AGO2: variants seen among roughly 807,000 people sequenced by gnomAD.
AGO2 encodes argonaute RISC catalytic component 2.
Under a neutral mutation model 102.3 loss-of-function variants are expected in AGO2, and 5 were observed. The ratio of observed to expected loss-of-function variants is 0.05; its 90% CI spans 0.03 to 0.10. The LOEUF (loss-of-function observed/expected upper bound fraction) is 0.10, where lower values mean the gene tolerates loss of function less well. AGO2 is among the 10% of genes least tolerant of loss of function. The pLI is 1.00. For synonymous variants in AGO2, 449 were observed against 473.1 expected, an observed-to-expected ratio of 0.95 and a Z score of 0.66; for missense variants, 541 against 1,183.7, an observed-to-expected ratio of 0.46 and a Z score of 7.97.
At chr8:140,562,838 T>A (rs2073225169) in intron 3 of AGO2, among the ~76,000 whole-genome samples, 1 of 152,178 alleles carries the variant, frequency 6.6e-6, no homozygotes, top group Non-Finnish European at 1.5e-5. Flanking sequence ...TTACTTTTGA[T>A]GAATTTAAAT....
chr8:140,526,570 C>G lies in AGO2; in HGVS notation c.*5474G>C, dbSNP rs1227395305. The G allele has an allele frequency of 1.3e-5, 2 of 152,122 alleles. No individual in the cohort carries two copies. Among genetic ancestry groups the G allele is most frequent in the South Asian group, 2.1e-4 (1 of 4,824 alleles). 9.4% of individuals were successfully genotyped at this position (152,122 alleles called of 1,614,324 possible). A position where few individuals can be genotyped will look rare whatever the true frequency, so the allele number is the denominator to read the frequency against. On this transcript the variant is annotated 3_prime_UTR_variant, in exon 19 of 19. Transcript: ENST00000220592. This position sits in a 1 kb window ranked among gnomAD's most constrained non-coding sequence, Gnocchi z 5.2. ...ATGTTCACAATTCAGTTTATTCAGG[C>G]AACATATTGGCTGTTTTCAGTGTGG...
upstream of AGO2, among the ~76,000 whole-genome samples, chr8:140,638,464 C>A (rs953860900): frequency 1.1e-4 from 16 of 152,308 alleles, no homozygotes; most frequent in Admixed American, 1.0e-3. Flanking sequence ...CTGTCCCAAA[C>A]CCATTTAGCC....
the AGO2 span, among the ~76,000 whole-genome samples, chr8:140,641,295 A>AACACACACACACACAC: frequency 2.0e-5 from 3 of 146,872 alleles, no homozygotes; most frequent in African/African-American, 7.6e-5. Context: ...GCTGTCTCAA[A>AACACACACACACACAC]ACACACACAC....
At chr8:140,537,968 G>A (rs966899026) in intron 16 of AGO2, among the ~76,000 whole-genome samples, 2 of 152,030 alleles carry the variant, frequency 1.3e-5, no homozygotes, top group Non-Finnish European at 2.9e-5. Context: ...ACAGGCGCCC[G>A]CCACCACGCC....
At chr8:140,638,981 A>C (rs4498521), upstream of AGO2, among the ~76,000 whole-genome samples, 65,520 of 151,918 alleles carry the variant, frequency 0.43, 15,054 homozygotes, top group Middle Eastern at 0.53. Flanking sequence ...GGACTTAAAT[A>C]ATCCTCCTAC....
At position 140,589,782 on chromosome 8, in the gene AGO2, G is replaced by A. The variant is rs1422091410; in HGVS notation, c.23-4471C>T. Among the ~76,000 whole-genome samples, 6 of 152,140 alleles carry A rather than the reference G, an allele frequency of 3.9e-5. No individual in the cohort carries two copies. Among genetic ancestry groups the A allele is most frequent in the Admixed American group, 1.3e-4 (2 of 15,282 alleles). On this transcript the variant is annotated intron_variant, in intron 1 of 18. Coordinates refer to ENST00000220592, the MANE Select transcript of AGO2 (RefSeq NM_012154.5). The surrounding 1 kb of genome is among the most constrained non-coding windows in gnomAD (Gnocchi z 4.2). ...GCCAGGCAATGGCACAGCAGCCACC[G>A]AGATCCGTGCCATCAGCACGAGCCG...
intron 3 of AGO2, among the ~76,000 whole-genome samples, chr8:140,565,436 C>T (rs1370888213): frequency 6.4e-5 from 8 of 124,510 alleles, no homozygotes; most frequent in Admixed American, 2.9e-4. Flanking sequence ...AAGACTCTGT[C>T]TCAAAAAAAA....
intron 1 of AGO2, among the ~76,000 whole-genome samples, chr8:140,619,053 G>A (rs1280682977): frequency 1.3e-5 from 2 of 152,074 alleles, no homozygotes; most frequent in African/African-American, 2.4e-5. Flanking sequence ...CGGCTCCTCC[G>A]AGAGCAGCTG....
intron 10 of AGO2, among the ~76,000 whole-genome samples, chr8:140,552,746 A>G (rs879591548): frequency 0.25 from 5,423 of 21,510 alleles, 135 homozygotes; most frequent in African/African-American, 0.3. Flanking sequence ...GCGCGCACAC[A>G]CACACACACA....
At chr8:140,606,295 G>T (rs1338608886) in intron 1 of AGO2, among the ~76,000 whole-genome samples, 1 of 152,228 alleles carries the variant, frequency 6.6e-6, no homozygotes, top group Non-Finnish European at 1.5e-5. Flanking sequence ...CAGGAGCATG[G>T]AGGCCCCACC....
At chr8:140,631,532 G>A (rs1160157949) in intron 1 of AGO2, among the ~76,000 whole-genome samples, 3 of 147,300 alleles carry the variant, frequency 2.0e-5, no homozygotes, top group African/African-American at 7.5e-5. Flanking sequence ...GCGAGACTCC[G>A]TCTCAAAAAA....
At chr8:140,586,184 T>C (rs529763489) in intron 1 of AGO2, among the ~76,000 whole-genome samples, 2 of 152,296 alleles carry the variant, frequency 1.3e-5, no homozygotes, top group South Asian at 4.1e-4. Flanking sequence ...CACCATGCCC[T>C]GGGCCAAGGC....
intron 1 of AGO2, among the ~76,000 whole-genome samples, chr8:140,612,220 C>CAAAAAAAAAAA (rs542472147): frequency 1.0e-5 from 1 of 95,960 alleles, no homozygotes; most frequent in African/African-American, 4.3e-5. Context: ...GACTCTGTCT[C>CAAAAAAAAAAA]AAAAAAAAAA....
In AGO2 at chr8:140,529,884, A is replaced by G. The variant is rs544661668; in HGVS notation, c.*2160T>C. The G allele has an allele frequency of 6.6e-6, 1 of 152,364 alleles. No homozygotes were observed. Among genetic ancestry groups the G allele is most frequent in the East Asian group, 1.9e-4 (1 of 5,180 alleles). 9.4% of individuals were successfully genotyped at this position (152,364 alleles called of 1,614,324 possible). A position where few individuals can be genotyped will look rare whatever the true frequency, so the allele number is the denominator to read the frequency against. On this transcript the variant is annotated 3_prime_UTR_variant, in exon 19 of 19. Transcript: ENST00000220592. The stretch of plus-strand genomic sequence containing the variant: ...CCTTTGAGACACATGGTTCCAGATG[A>G]TTGTAAAAATGGCTGGAAACTAATC...
intron 12 of AGO2, among the ~76,000 whole-genome samples, chr8:140,547,894 G>C (rs2072929288): frequency 6.6e-6 from 1 of 152,260 alleles, no homozygotes; most frequent in Non-Finnish European, 1.5e-5. Flanking sequence ...CTCAGGAAGG[G>C]AAGTTGAGTG....
intron 2 of AGO2, among the ~76,000 whole-genome samples, chr8:140,580,077 C>T (rs2132997237): frequency 6.6e-6 from 1 of 152,332 alleles, no homozygotes; most frequent in Non-Finnish European, 1.5e-5. Context: ...GTGACTTCAG[C>T]AAGGCTTAGG....
In AGO2 at chr8:140,547,638, T is replaced by C. The variant is rs371416285; in HGVS notation, c.1589-11A>G. The C allele has an allele frequency of 6.2e-7, 1 of 1,608,400 alleles. No individual in the cohort carries two copies. The highest frequency in any genetic ancestry group is 8.5e-7 in the Non-Finnish European group (1 of 1,176,936). ...CGCGCTTGACCTCGGCTAAGGGACATGAGAGGCACACACAGCTCTGCCGGC... is the reference window on the plus strand; with the variant it reads ...CGCGCTTGACCTCGGCTAAGGGACACGAGAGGCACACACAGCTCTGCCGGC... On this transcript the variant is annotated splice_polypyrimidine_tract_variant and intron_variant, in intron 12 of 18. Transcript: ENST00000220592.
chr8:140,578,219 C>T (rs762722007), intron 2 of AGO2, among the ~76,000 whole-genome samples: 8 of 152,208 alleles, frequency 5.3e-5, no homozygotes, highest in African/African-American at 1.9e-4. Context: ...AATTCTAACA[C>T]GGGGGGTCCC....
chr8:140,601,537 T>C lies in AGO2; in HGVS notation c.23-16226A>G, dbSNP rs570055923. Among the ~76,000 whole-genome samples, 13 of 152,354 alleles carry C rather than the reference T, an allele frequency of 8.5e-5. No homozygotes were observed. In the South Asian group the frequency reaches 2.5e-3, roughly 29 times the overall value. ...GCTAGGCTGATGGATGTGAACCATA[T>C]GGTGAATGGTCTCCAGGTAGGTTCT... On this transcript the variant is annotated intron_variant, in intron 1 of 18. Coordinates refer to ENST00000220592, the MANE Select transcript of AGO2 (RefSeq NM_012154.5).
Sources: gnomAD v4.1 joint callset for allele counts (sites outside exome capture counted in the v4.1 genomes callset) on GRCh38, gnomAD v4.1.1 for gene constraint, Gnocchi (gnomAD v3.1) non-coding constraint, MANE v1.5 for transcripts, NCBI Gene and HGNC (gene_info 2026-07-23, HGNC 2026-07-21) for gene names.